PIBF1: variants seen among roughly 807,000 people sequenced by gnomAD.
The protein encoded by PIBF1 is progesterone immunomodulatory binding factor 1, also known as progesterone-induced-blocking factor 1.
In PIBF1, 90 loss-of-function variants were observed where a neutral mutation model predicts 112.5. The observed-to-expected ratio is 0.80, with a 90% CI of 0.67 to 0.95. PIBF1 has a LOEUF of 0.95. PIBF1 is among the 40% of genes least tolerant of loss of function. PIBF1 has a pLI of 0.00. For missense variants in PIBF1, 915 were observed against 852.3 expected (o/e 1.07, Z -0.92); for synonymous variants, 301 against 288.6 (o/e 1.04, Z -0.44).
chr13:72,845,639 A>G lies in PIBF1; in HGVS notation c.1224-8418A>G, dbSNP rs533079664. Among the ~76,000 whole-genome samples, 24 of 152,312 alleles carry G rather than the reference A, an allele frequency of 1.6e-4. No individual in the cohort carries two copies. The South Asian group carries it at 4.8e-3, about 30-fold the overall frequency. On this transcript the variant is annotated intron_variant, in intron 9 of 17. Transcript: ENST00000326291. Reference sequence around the variant, plus strand: ...TAATTTACACTCCCACTAACAGTGTAGAAGCATTCCTGCTTCTCACCAGCA... The same window carrying G: ...TAATTTACACTCCCACTAACAGTGTGGAAGCATTCCTGCTTCTCACCAGCA...
chr13:72,844,793 A>ACACACACACG (rs1326364265), intron 9 of PIBF1, among the ~76,000 whole-genome samples: 1 of 132,236 alleles, frequency 7.6e-6, no homozygotes, highest in African/African-American at 2.8e-5. Context: ...ACACACACAC[A>ACACACACACG]CACACACGGA....
intron 14 of PIBF1, among the ~76,000 whole-genome samples, chr13:72,962,881 T>G (rs2042642805): frequency 6.6e-6 from 1 of 152,232 alleles, no homozygotes; most frequent in Non-Finnish European, 1.5e-5. Flanking sequence ...ATTTCTGAAC[T>G]TACTGTAAAG....
intron 10 of PIBF1, among the ~76,000 whole-genome samples, chr13:72,885,300 G>A (rs950925062): frequency 3.3e-5 from 5 of 151,398 alleles, no homozygotes; most frequent in African/African-American, 4.9e-5. Context: ...CATCTTTTAC[G>A]GACACCTAAA....
At chr13:72,897,407 A>G (rs1370316819) in intron 11 of PIBF1, among the ~76,000 whole-genome samples, 2 of 152,194 alleles carry the variant, frequency 1.3e-5, no homozygotes, top group East Asian at 1.9e-4. Context: ...ATCAAAAACA[A>G]CAACAAAAAA....
At chr13:72,994,711 C>T (rs1464467830) in intron 16 of PIBF1, among the ~76,000 whole-genome samples, 1 of 152,084 alleles carries the variant, frequency 6.6e-6, no homozygotes, top group Non-Finnish European at 1.5e-5. Flanking sequence ...GAAGCCAATA[C>T]CCAGAAGCCA....
intron 16 of PIBF1, among the ~76,000 whole-genome samples, chr13:72,980,359 A>G (rs1161196661): frequency 6.6e-6 from 1 of 152,372 alleles, no homozygotes; most frequent in Middle Eastern, 3.4e-3. Context: ...AGTGACCAGC[A>G]TCAGTGACGA....
chr13:72,978,323 T>C (rs1429980576), intron 16 of PIBF1, among the ~76,000 whole-genome samples: 1 of 152,214 alleles, frequency 6.6e-6, no homozygotes, highest in Non-Finnish European at 1.5e-5. Context: ...CTGATAAATA[T>C]CATTGTCCTC....
At chr13:72,802,131 T>C (rs900187312) in intron 5 of PIBF1, among the ~76,000 whole-genome samples, 2 of 152,172 alleles carry the variant, frequency 1.3e-5, no homozygotes, top group Non-Finnish European at 2.9e-5. Flanking sequence ...TGTAGTTAAG[T>C]TTTCAGTGAG....
At position 72,981,383 on chromosome 13, in the gene PIBF1, CAAAAG is replaced by C. The variant is rs888710841; in HGVS notation, c.2049+7712_2049+7716del. ...AAGCAAAATAGACATTAAAAGTACA[CAAAAG>C]AAAGAGATAATCAATTGAGCAAAAG... On this transcript the variant is annotated intron_variant, in intron 16 of 17. Coordinates refer to ENST00000326291, the MANE Select transcript of PIBF1 (RefSeq NM_006346.4). 5.5e-4 allele frequency among the ~76,000 whole-genome samples: 83 copies of C among 151,892 alleles called. 1 individual carries two copies. The highest frequency in any genetic ancestry group is 1.8e-3 in the African/African-American group (75 of 41,482).
At chr13:73,010,377 C>T (rs1490765104) in intron 17 of PIBF1, among the ~76,000 whole-genome samples, 4 of 151,738 alleles carry the variant, frequency 2.6e-5, no homozygotes, top group South Asian at 2.1e-4. Context: ...CCGAGGCAGG[C>T]GAATCACCTG....
intron 9 of PIBF1, among the ~76,000 whole-genome samples, chr13:72,851,693 A>C (rs549873178): frequency 1.1e-4 from 16 of 152,372 alleles, no homozygotes; most frequent in African/African-American, 3.6e-4. Context: ...CCAGTTTCAC[A>C]GAACGGAGTG....
chr13:72,851,964 T>C (rs1319582275), intron 9 of PIBF1, among the ~76,000 whole-genome samples: 1 of 152,186 alleles, frequency 6.6e-6, no homozygotes, highest in Non-Finnish European at 1.5e-5. Context: ...TGGGATGGCC[T>C]GCCTGCAGTT....
At chr13:72,807,913 A>G (rs1195645423) in intron 5 of PIBF1, among the ~76,000 whole-genome samples, 2 of 152,122 alleles carry the variant, frequency 1.3e-5, no homozygotes, top group Admixed American at 6.6e-5. Context: ...TTTTTATTGT[A>G]TTTGTCTTAT....
At chr13:72,923,422 A>G (rs1011725135) in intron 13 of PIBF1, among the ~76,000 whole-genome samples, 1 of 152,228 alleles carries the variant, frequency 6.6e-6, no homozygotes, top group Non-Finnish European at 1.5e-5. Flanking sequence ...TTGGTTTAAT[A>G]TTTAGGTGTA....
intron 11 of PIBF1, among the ~76,000 whole-genome samples, chr13:72,906,076 G>T (rs538495415): frequency 9.8e-4 from 149 of 151,750 alleles, no homozygotes; most frequent in African/African-American, 3.4e-3. Flanking sequence ...GAATCTTTTG[G>T]TGGGGGGGAT....
intron 17 of PIBF1, among the ~76,000 whole-genome samples, chr13:72,999,256 A>G (rs940626122): frequency 6.6e-6 from 1 of 151,486 alleles, no homozygotes; most frequent in African/African-American, 2.4e-5. Flanking sequence ...AGCTAAAAAT[A>G]TATGTGCACA....
intron 11 of PIBF1, among the ~76,000 whole-genome samples, chr13:72,898,357 A>C (rs2040358517): frequency 6.7e-6 from 1 of 149,684 alleles, no homozygotes; most frequent in Non-Finnish European, 1.5e-5. Context: ...TACATCAAAA[A>C]GTCTGAAAGA....
intron 11 of PIBF1, among the ~76,000 whole-genome samples, chr13:72,905,349 AGCC>A (rs2138639798): frequency 6.6e-6 from 1 of 152,256 alleles, no homozygotes; most frequent in African/African-American, 2.4e-5. Context: ...TACCGGCGTG[AGCC>A]ACCACACCCA....
At chr13:72,932,335 TTTA>T (rs1384400846) in intron 14 of PIBF1, among the ~76,000 whole-genome samples, 1 of 152,228 alleles carries the variant, frequency 6.6e-6, no homozygotes, top group Non-Finnish European at 1.5e-5. Flanking sequence ...ATATATGTTG[TTTA>T]TTATTTGTTT....
Sources: allele counts gnomAD v4.1 joint callset (sites outside exome capture counted in the v4.1 genomes callset), GRCh38; gene constraint gnomAD v4.1.1; transcripts MANE v1.5; gene names NCBI Gene and HGNC (gene_info 2026-07-23, HGNC 2026-07-21).